The following PCDHA6 variants were observed in gnomAD, a reference collection of about 807,000 sequenced individuals.
The protein encoded by PCDHA6 is protocadherin alpha-6.
In PCDHA6, 55 loss-of-function variants were observed where a neutral mutation model predicts 60.3. That is an observed-to-expected ratio of 0.91 (90% CI 0.73 to 1.14). The LOEUF (loss-of-function observed/expected upper bound fraction) is 1.14, where lower values mean the gene tolerates loss of function less well. Among genes scored for constraint, PCDHA6 ranks in the 50% most tolerant of loss-of-function variants. PCDHA6 has a pLI of 0.00. For missense variants in PCDHA6, 1,327 were observed against 1,256.5 expected (o/e 1.06, Z -0.85); for synonymous variants, 652 against 557.9 (o/e 1.17, Z -2.38).
chr5:140,967,762 G>A, intron 1 of PCDHA6: 1 of 1,614,216 alleles, frequency 6.2e-7, no homozygotes, highest in Non-Finnish European at 8.5e-7. Flanking sequence ...CCTCCTACCA[G>A]ATCTATGTGC....
chr5:140,895,692 A>G (rs1367486030), intron 1 of PCDHA6, among the ~76,000 whole-genome samples: 1 of 152,138 alleles, frequency 6.6e-6, no homozygotes, highest in African/African-American at 2.4e-5. Flanking sequence ...CTGTTTCTAT[A>G]TTAATTCACT....
At chr5:140,973,208 C>T (rs2096576751) in intron 1 of PCDHA6, among the ~76,000 whole-genome samples, 1 of 152,170 alleles carries the variant, frequency 6.6e-6, no homozygotes, top group African/African-American at 2.4e-5. Flanking sequence ...TGCATATTCA[C>T]CCTAATTCCA....
chr5:140,883,707 A>C, intron 1 of PCDHA6: 1 of 1,613,636 alleles, frequency 6.2e-7, no homozygotes. Context: ...GTGTCTGCTC[A>C]GGACGCGGAC....
rs868946985 is a variant in PCDHA6, at chr5:140,985,825, T to C, written c.2542+3262T>C. ...CACGATCTCAGCTCACAACAAGCTC[T>C]GCCTCCCGGGTTCATGCCACTCTCC... On this transcript the variant is annotated intron_variant, in intron 3 of 3. Transcript: ENST00000529310. 4.1e-4 allele frequency among the ~76,000 whole-genome samples: 61 copies of C among 148,858 alleles called. 1 individual carries two copies. The highest frequency in any genetic ancestry group is 2.7e-4 in the Admixed American group (4 of 14,688).
At chr5:140,913,749 G>T (rs1166280044) in intron 1 of PCDHA6, among the ~76,000 whole-genome samples, 22 of 152,098 alleles carry the variant, frequency 1.4e-4, no homozygotes, top group Middle Eastern at 3.4e-3. Context: ...TCCTTTTGTT[G>T]TATCTCATAG....
At chr5:140,883,507 G>A (rs782325165) in intron 1 of PCDHA6, 2 of 1,614,200 alleles carry the variant, frequency 1.2e-6, no homozygotes, top group Admixed American at 1.7e-5. Context: ...ACAGCGCCCT[G>A]GACCGCGAGA....
intron 1 of PCDHA6, among the ~76,000 whole-genome samples, chr5:140,946,263 G>T (rs1168857420): frequency 6.6e-6 from 1 of 151,750 alleles, no homozygotes; most frequent in East Asian, 1.9e-4. Flanking sequence ...AGAAAAATGC[G>T]AATTAAAACC....
intron 1 of PCDHA6, among the ~76,000 whole-genome samples, chr5:140,890,373 T>A (rs868994302): frequency 2.4e-4 from 37 of 152,196 alleles, no homozygotes; most frequent in African/African-American, 7.5e-4. Context: ...CCTGAACAAG[T>A]ACTCTTTCTT....
chr5:140,884,456 G>A lies in PCDHA6; in HGVS notation c.2394+53971G>A, dbSNP rs1460569799. 2.5e-6 allele frequency: 4 copies of A among 1,613,650 alleles called. No individual in the cohort carries two copies. In the African/African-American group the frequency reaches 5.3e-5, roughly 22 times the overall value. The stretch of plus-strand genomic sequence containing the variant: ...GCGGTGCTCGGCACCGCCCACCGAG[G>A]GCGCGTGCGCGCCGGGCAAGCCCAC... On this transcript the variant is annotated intron_variant, in intron 1 of 3. Coordinates refer to ENST00000529310, the MANE Select transcript of PCDHA6 (RefSeq NM_018909.4).
chr5:140,949,639 T>C (rs1563239072), intron 1 of PCDHA6, among the ~76,000 whole-genome samples: 1 of 152,036 alleles, frequency 6.6e-6, no homozygotes, highest in East Asian at 1.9e-4. Flanking sequence ...ATATTGCTTT[T>C]TGTTCATTTT....
Position 140,916,977 on chromosome 5 carries a change from T to A in PCDHA6, c.2395-61972T>A, listed in dbSNP as rs569550595. Among the ~76,000 whole-genome samples the A allele has an allele frequency of 2.6e-5, 4 of 152,302 alleles. No individual in the cohort carries two copies. In the South Asian group the frequency reaches 8.3e-4, roughly 32 times the overall value. On this transcript the variant is annotated intron_variant, in intron 1 of 3. Transcript: ENST00000529310. ...AGTTCTGACTGCTGGGATGAGTGAT[T>A]CGCCTCTGGCCAGGCCTGTTCCAAA...
Position 140,842,885 on chromosome 5 carries a change from C to T in PCDHA6, c.2394+12400C>T. 2 of 1,594,162 alleles carry T rather than the reference C, an allele frequency of 1.3e-6. 1 individual carries two copies. The highest frequency in any genetic ancestry group is 1.7e-6 in the Non-Finnish European group (2 of 1,165,432). On this transcript the variant is annotated intron_variant, in intron 1 of 3. Coordinates refer to ENST00000529310, the MANE Select transcript of PCDHA6 (RefSeq NM_018909.4). Reference sequence around the variant, plus strand: ...GAGCGGCAAGGTGTACGCGCTGCAGCCGCTGGACCACGAGGAGCTAGAGCT... The same window carrying T: ...GAGCGGCAAGGTGTACGCGCTGCAGTCGCTGGACCACGAGGAGCTAGAGCT...
At chr5:140,953,333 G>T (rs1164031991) in intron 1 of PCDHA6, among the ~76,000 whole-genome samples, 1 of 151,962 alleles carries the variant, frequency 6.6e-6, no homozygotes, top group East Asian at 1.9e-4. Flanking sequence ...TAGAATTTAG[G>T]GCTCACCTTC....
intron 1 of PCDHA6, chr5:140,852,488 G>A (rs1554145834): frequency 4.7e-6 from 1 of 213,506 alleles, no homozygotes; most frequent in African/African-American, 2.4e-5. Context: ...ATGTTGGCCA[G>A]GTTGGTCTCG....
chr5:140,962,516 A>C (rs1554226093), intron 1 of PCDHA6, among the ~76,000 whole-genome samples: 1 of 152,208 alleles, frequency 6.6e-6, no homozygotes, highest in Non-Finnish European at 1.5e-5. Flanking sequence ...ACTATCAATA[A>C]TATATTAGTT....
At chr5:140,927,472 G>T (rs201932518) in intron 1 of PCDHA6, 4 of 1,614,094 alleles carry the variant, frequency 2.5e-6, no homozygotes, top group African/African-American at 1.3e-5. Context: ...ACTGGATCGC[G>T]AACAGCGCGC....
rs995118768 is a variant in PCDHA6 at position 140,943,957 on chromosome 5, T to G, written c.2395-34992T>G. Among the ~76,000 whole-genome samples the G allele has an allele frequency of 2.6e-5, 4 of 152,224 alleles. No individual in the cohort carries two copies. The South Asian group carries it at 8.3e-4, about 32-fold the overall frequency. On this transcript the variant is annotated intron_variant, in intron 1 of 3. Coordinates refer to ENST00000529310, the MANE Select transcript of PCDHA6 (RefSeq NM_018909.4). ...TGTGGTTATAGGAGAAGCAGTGAAT[T>G]AAAGAGTTAAAGTAATTAAGAAAAC... is the stretch of plus-strand genomic sequence containing the variant.
At chr5:140,987,429 G>T (rs1402576200) in intron 3 of PCDHA6, among the ~76,000 whole-genome samples, 2 of 152,096 alleles carry the variant, frequency 1.3e-5, no homozygotes, top group Admixed American at 1.3e-4. Flanking sequence ...GAAGCAGGGG[G>T]CCTTTCCCCA....
At chr5:140,891,100 G>T (rs544877951) in intron 1 of PCDHA6, among the ~76,000 whole-genome samples, 1 of 152,206 alleles carries the variant, frequency 6.6e-6, no homozygotes, top group East Asian at 1.9e-4. Context: ...TTGCTGTCAA[G>T]AATTTAGCTG....
Sources: allele counts gnomAD v4.1 joint callset (sites outside exome capture counted in the v4.1 genomes callset), GRCh38; gene constraint gnomAD v4.1.1; transcripts MANE v1.5; gene names NCBI Gene and HGNC (gene_info 2026-07-23, HGNC 2026-07-21).